GNG12: variants seen among roughly 807,000 people sequenced by gnomAD.
GNG12 encodes the protein G protein subunit gamma 12.
For synonymous variants in GNG12, 28 were observed against 29.7 expected, an observed-to-expected ratio of 0.94 and a Z score of 0.19; for missense variants, 69 against 83.8, an observed-to-expected ratio of 0.82 and a Z score of 0.69.
intron 1 of GNG12, among the ~76,000 whole-genome samples, chr1:67,809,467 C>A (rs887913217): frequency 2.0e-5 from 3 of 152,028 alleles, no homozygotes; most frequent in African/African-American, 7.2e-5. Flanking sequence ...TTCTTCTCTG[C>A]CAAAGACAAT....
At chr1:67,757,679 A>G (rs1276698809) in intron 2 of GNG12, among the ~76,000 whole-genome samples, 1 of 152,166 alleles carries the variant, frequency 6.6e-6, no homozygotes, top group African/African-American at 2.4e-5. Flanking sequence ...CCTTCCCTCC[A>G]GAAGCTCCAA....
intron 2 of GNG12, among the ~76,000 whole-genome samples, chr1:67,733,616 GA>G (rs558479461): frequency 1.3e-5 from 2 of 151,774 alleles, no homozygotes; most frequent in Non-Finnish European, 2.9e-5. Flanking sequence ...AAATTTATAG[GA>G]AAAAAACCAA....
chr1:67,732,273 A>T lies in GNG12; in HGVS notation c.-26-24561T>A, dbSNP rs76540635. Among the ~76,000 whole-genome samples, 745 of 152,372 alleles carry T rather than the reference A, an allele frequency of 4.9e-3. 7 individuals are homozygous for T. The highest frequency in any genetic ancestry group is 0.017 in the African/African-American group (709 of 41,590). On this transcript the variant is annotated intron_variant, in intron 2 of 3. Coordinates refer to ENST00000370982, the MANE Select transcript of GNG12 (RefSeq NM_018841.6). ...TCCTATGTTCTCAAAAGAACTGACT[A>T]TCGGGGGACCCCCAGTATAAAGCGA...
Position 67,823,225 on chromosome 1 carries a change from A to G in GNG12, c.-77+10119T>C, listed in dbSNP as rs148643356. 6.2e-4 allele frequency among the ~76,000 whole-genome samples: 94 copies of G among 152,364 alleles called. 2 individuals are homozygous for G. In the East Asian group the frequency reaches 0.014, roughly 23 times the overall value. On this transcript the variant is annotated intron_variant, in intron 1 of 3. Transcript: ENST00000370982. ...GTTTTTAAGTTTTGCAGGAAATGCT[A>G]TTGAAATGTATATATTCTCAATCTC...
At chr1:67,709,505 C>G (rs1335648398) in intron 2 of GNG12, among the ~76,000 whole-genome samples, 1 of 152,074 alleles carries the variant, frequency 6.6e-6, no homozygotes, top group Non-Finnish European at 1.5e-5. Context: ...TCTAGCAGTA[C>G]AGAAAACTAG....
intron 2 of GNG12, 168 bp downstream of exon 2, chr1:67,777,290 T>C (rs1373977064): frequency 1.3e-5 from 2 of 152,576 alleles, no homozygotes; most frequent in Admixed American, 6.5e-5. Context: ...TGGGTTGCTC[T>C]GTTTTTTTAA....
intron 2 of GNG12, among the ~76,000 whole-genome samples, chr1:67,747,098 G>A (rs886260350): frequency 6.6e-5 from 10 of 152,160 alleles, no homozygotes; most frequent in Non-Finnish European, 1.0e-4. Flanking sequence ...CTAACATGCA[G>A]TTTTAAAAGC....
At chr1:67,752,121 G>GATA (rs2100727159) in intron 2 of GNG12, among the ~76,000 whole-genome samples, 1 of 152,314 alleles carries the variant, frequency 6.6e-6, no homozygotes, top group African/African-American at 2.4e-5. Flanking sequence ...GAGAAGTTCT[G>GATA]ATAACCATAT....
intron 1 of GNG12, among the ~76,000 whole-genome samples, chr1:67,779,051 T>C (rs1049917152): frequency 1.3e-5 from 2 of 152,154 alleles, no homozygotes; most frequent in African/African-American, 2.4e-5. Flanking sequence ...GTGAGGTCCA[T>C]GGAAAATCTT....
intron 2 of GNG12, among the ~76,000 whole-genome samples, chr1:67,728,342 A>G (rs2803461): frequency 0.7 from 106,889 of 152,020 alleles, 37,625 homozygotes; most frequent in African/African-American, 0.73. Flanking sequence ...GTCACAATGC[A>G]TGGTCTCCCT....
intron 1 of GNG12, among the ~76,000 whole-genome samples, chr1:67,824,838 G>A (rs989347221): frequency 3.3e-5 from 5 of 152,196 alleles, no homozygotes; most frequent in Non-Finnish European, 7.3e-5. Context: ...GGTAAGCACA[G>A]TGAGTGTGGA....
chr1:67,734,728 G>C (rs767524876), intron 2 of GNG12, among the ~76,000 whole-genome samples: 2 of 152,170 alleles, frequency 1.3e-5, no homozygotes, highest in East Asian at 3.8e-4. Context: ...CTGAGCTCCA[G>C]CAATCCTCCA....
At chr1:67,807,425 C>A (rs758200018) in intron 1 of GNG12, among the ~76,000 whole-genome samples, 1 of 146,220 alleles carries the variant, frequency 6.8e-6, no homozygotes, top group Non-Finnish European at 1.5e-5. Flanking sequence ...GATTAATATA[C>A]AAAGAAAAAT....
chr1:67,807,590 A>C (rs1237848360), intron 1 of GNG12, among the ~76,000 whole-genome samples: 1 of 151,976 alleles, frequency 6.6e-6, no homozygotes, highest in Non-Finnish European at 1.5e-5. Flanking sequence ...CTGAGAAAAA[A>C]AGAAAGAAGA....
chr1:67,726,283 ATGGTGGGCACCTCATAT>A (rs1646385176), intron 2 of GNG12, among the ~76,000 whole-genome samples: 1 of 152,168 alleles, frequency 6.6e-6, no homozygotes, highest in South Asian at 2.1e-4. Flanking sequence ...CCTCTATCTG[ATGGTGGGCACCTCATAT>A]TATATTGTGC....
chr1:67,739,313 A>G (rs1477660904), intron 2 of GNG12, among the ~76,000 whole-genome samples: 1 of 152,214 alleles, frequency 6.6e-6, no homozygotes. Flanking sequence ...AATACCATTC[A>G]CCCAAATGCT....
At chr1:67,829,145 C>G (rs1273852652) in intron 1 of GNG12, among the ~76,000 whole-genome samples, 2 of 152,114 alleles carry the variant, frequency 1.3e-5, no homozygotes, top group Non-Finnish European at 2.9e-5. Flanking sequence ...AATCCCATCA[C>G]CAATTTGTCT....
intron 1 of GNG12, among the ~76,000 whole-genome samples, chr1:67,818,393 T>C (rs1646965630): frequency 6.7e-6 from 1 of 150,244 alleles, no homozygotes; most frequent in Non-Finnish European, 1.5e-5. Flanking sequence ...TCTCAAATTA[T>C]TCATGGGGAA....
intron 2 of GNG12, among the ~76,000 whole-genome samples, chr1:67,733,602 C>T (rs1253355334): frequency 6.6e-6 from 1 of 152,098 alleles, no homozygotes; most frequent in Non-Finnish European, 1.5e-5. Context: ...TTTTGAAATT[C>T]TTAAAATTTA....
Sources: gnomAD v4.1 joint callset for allele counts (sites outside exome capture counted in the v4.1 genomes callset) on GRCh38, gnomAD v4.1.1 for gene constraint, MANE v1.5 for transcripts, NCBI Gene and HGNC (gene_info 2026-07-23, HGNC 2026-07-21) for gene names.